Variants in TSPEAR observed in about 807,000 individuals in gnomAD.
TSPEAR encodes thrombospondin-type laminin G domain and EAR repeat-containing protein.
A neutral mutation model predicts 71.6 loss-of-function variants in TSPEAR; 69 were observed. That is an observed-to-expected ratio of 0.96 (90% CI 0.79 to 1.18). TSPEAR has a LOEUF of 1.18. Among genes scored for constraint, TSPEAR ranks in the 50% most tolerant of loss-of-function variants. The probability of loss-of-function intolerance (pLI) is 0.00; values close to 1 mark genes in which losing one functional copy is unlikely to be tolerated. For synonymous variants in TSPEAR, 402 were observed against 387.2 expected, an observed-to-expected ratio of 1.04 and a Z score of -0.45; for missense variants, 971 against 894.9, an observed-to-expected ratio of 1.09 and a Z score of -1.09.
At chr21:44,658,520 C>A (rs145309427) in intron 1 of TSPEAR, among the ~76,000 whole-genome samples, 86 of 152,312 alleles carry the variant, frequency 5.6e-4, no homozygotes, top group African/African-American at 2.0e-3. Context: ...CCAAATAAAT[C>A]GGCTGTCCCT....
chr21:44,701,855 A>G (rs1286175180), intron 1 of TSPEAR, among the ~76,000 whole-genome samples: 1 of 152,132 alleles, frequency 6.6e-6, no homozygotes, highest in Non-Finnish European at 1.5e-5. Context: ...CCCCTGCTAT[A>G]GAACACTAGA....
chr21:44,525,745 G>T lies in TSPEAR; in HGVS notation c.1244C>A (p.Pro415Gln). 1 of 1,614,144 alleles carries T rather than the reference G, an allele frequency of 6.2e-7. No homozygotes were observed. ...KWSHRKLKFT[P>Q]YQSIATHSAR... ...GCTGTGTGTGGCAATGCTCTGATAT[G>T]GGGTAAACTTCAGCTTTCTGTGGCT... The change falls in exon 8 of 12, where the codon CCA becomes CAA. Residue 415 changes from proline to glutamine, a missense_variant. Transcript: ENST00000323084.
intron 1 of TSPEAR, among the ~76,000 whole-genome samples, chr21:44,685,470 C>T (rs1216000293): frequency 2.0e-5 from 3 of 152,034 alleles, no homozygotes; most frequent in South Asian, 4.1e-4. Flanking sequence ...AGACCCACAG[C>T]GAGGGAGAGG....
chr21:44,509,114 G>A, intron 10 of TSPEAR, 85 bp downstream of exon 10: 4 of 1,460,534 alleles, frequency 2.7e-6, no homozygotes, highest in Non-Finnish European at 3.7e-6. Context: ...CGGGAAGGGT[G>A]GTGAGGATGA....
At chr21:44,523,219 CAGTT>C (rs1195771700) in intron 8 of TSPEAR, among the ~76,000 whole-genome samples, 2 of 150,756 alleles carry the variant, frequency 1.3e-5, no homozygotes, top group Admixed American at 6.6e-5. Context: ...GTCAGCCAGT[CAGTT>C]AATTTGTCAG....
intron 1 of TSPEAR, among the ~76,000 whole-genome samples, chr21:44,706,237 T>A (rs1169726185): frequency 6.6e-6 from 1 of 152,158 alleles, no homozygotes; most frequent in African/African-American, 2.4e-5. Flanking sequence ...TCAGAAAACA[T>A]GCACCGGCAA....
At chr21:44,526,579 G>T (rs1384069046) in intron 7 of TSPEAR, among the ~76,000 whole-genome samples, 1 of 152,184 alleles carries the variant, frequency 6.6e-6, no homozygotes, top group Non-Finnish European at 1.5e-5. Context: ...CCACAGGAGA[G>T]CAGTTTCCAT....
intron 1 of TSPEAR, chr21:44,666,104 AG>A: frequency 4.0e-6 from 1 of 248,210 alleles, no homozygotes; most frequent in Non-Finnish European, 7.8e-6. Flanking sequence ...ATCACTGAAG[AG>A]GGTTTAGCAG....
chr21:44,669,849 A>G (rs1265003510), intron 1 of TSPEAR, among the ~76,000 whole-genome samples: 1 of 152,220 alleles, frequency 6.6e-6, no homozygotes, highest in Non-Finnish European at 1.5e-5. Flanking sequence ...GCAAATGTTT[A>G]TATCAGCACC....
intron 2 of TSPEAR, among the ~76,000 whole-genome samples, chr21:44,543,799 G>T (rs587740770): frequency 1.3e-5 from 2 of 152,186 alleles, no homozygotes; most frequent in Non-Finnish European, 2.9e-5. Context: ...ATTGCCCTGT[G>T]GAAACCTTCA....
chr21:44,541,322 T>C (rs1010323213), intron 2 of TSPEAR, among the ~76,000 whole-genome samples: 1 of 152,274 alleles, frequency 6.6e-6, no homozygotes, highest in Non-Finnish European at 1.5e-5. Flanking sequence ...GATTCCATTG[T>C]GCCACCTTTT....
intron 2 of TSPEAR, among the ~76,000 whole-genome samples, chr21:44,543,502 G>T (rs1435912372): frequency 6.6e-6 from 1 of 152,180 alleles, no homozygotes; most frequent in East Asian, 1.9e-4. Flanking sequence ...CCCAAAGGTT[G>T]TCTCCACCCA....
chr21:44,511,512 CTGTGTCCATGTGCATA>C (rs1317195762), intron 9 of TSPEAR, among the ~76,000 whole-genome samples: 1 of 152,232 alleles, frequency 6.6e-6, no homozygotes, highest in African/African-American at 2.4e-5. Flanking sequence ...AACCATGCAT[CTGTGTCCATGTGCATA>C]TGTGTATACT....
intron 4 of TSPEAR, among the ~76,000 whole-genome samples, chr21:44,530,374 A>G (rs1458333691): frequency 6.6e-6 from 1 of 151,180 alleles, no homozygotes; most frequent in African/African-American, 2.4e-5. Context: ...CCACCCATTC[A>G]TCCATCACTC....
chr21:44,540,625 G>A lies in TSPEAR; in HGVS notation c.304-6702C>T, dbSNP rs111446916. On this transcript the variant is annotated intron_variant, in intron 2 of 11. Transcript: ENST00000323084. ...GGTCCTCACTGAAGAGGCAGAAGCAGCTGGTAGAAGCACAGGATCACTGGA... is the reference window on the plus strand; with the variant it reads ...GGTCCTCACTGAAGAGGCAGAAGCAACTGGTAGAAGCACAGGATCACTGGA... 1.5e-4 allele frequency among the ~76,000 whole-genome samples: 23 copies of A among 152,370 alleles called. 1 individual carries two copies. Among genetic ancestry groups the A allele is most frequent in the African/African-American group, 5.3e-4 (22 of 41,594 alleles).
At chr21:44,676,898 G>T in intron 1 of TSPEAR, 1 of 879,532 alleles carries the variant, frequency 1.1e-6, no homozygotes, top group South Asian at 1.3e-5. Context: ...TCTCTGTTCA[G>T]CTGATCGATG....
chr21:44,664,144 A>C (rs1985631772), intron 1 of TSPEAR, among the ~76,000 whole-genome samples: 1 of 152,188 alleles, frequency 6.6e-6, no homozygotes, highest in Admixed American at 6.5e-5. Context: ...GAAAGAAATA[A>C]CACAGTCTCT....
At chr21:44,601,604 G>T (rs1555928850) in intron 1 of TSPEAR, 5 of 1,613,468 alleles carry the variant, frequency 3.1e-6, no homozygotes, top group Non-Finnish European at 4.2e-6. Context: ...GTCCCCTCCT[G>T]CTGCGCCCCC....
At chr21:44,630,304 G>A (rs374309785) in intron 1 of TSPEAR, among the ~76,000 whole-genome samples, 299 of 152,230 alleles carry the variant, frequency 2.0e-3, no homozygotes, top group African/African-American at 6.8e-3. Flanking sequence ...GCCTTATTTC[G>A]CCAACTCAGA....
Sources: gnomAD v4.1 joint callset for allele counts (sites outside exome capture counted in the v4.1 genomes callset) on GRCh38, gnomAD v4.1.1 for gene constraint, MANE v1.5 for transcripts, NCBI Gene and HGNC (gene_info 2026-07-23, HGNC 2026-07-21) for gene names.